PRKG1: variants seen among roughly 807,000 people sequenced by gnomAD.
The protein encoded by PRKG1 is protein kinase cGMP-dependent 1, also known as cGMP-dependent protein kinase 1.
In PRKG1, 35 loss-of-function variants were observed where a neutral mutation model predicts 88.1. The ratio of observed to expected loss-of-function variants is 0.40; its 90% CI spans 0.30 to 0.53. The LOEUF (loss-of-function observed/expected upper bound fraction) is 0.53. Ranked by LOEUF, PRKG1 falls within the 20% of genes least tolerant of loss-of-function variation. The pLI, the probability that PRKG1 is intolerant of heterozygous loss-of-function variation, is 0.59. For synonymous variants in PRKG1, 303 were observed against 292.5 expected (o/e 1.04, Z -0.37); for missense variants, 540 against 839.8 (o/e 0.64, Z 4.41).
At position 51,209,186 on chromosome 10, in the gene PRKG1, T is replaced by G. The variant is rs184299047; in HGVS notation, c.478+55856T>G. 2.4e-3 allele frequency among the ~76,000 whole-genome samples: 331 copies of G among 140,834 alleles called. 2 individuals are homozygous for G. Among genetic ancestry groups the G allele is most frequent in the African/African-American group, 9.0e-3 (285 of 31,572 alleles). 92.4% of individuals were successfully genotyped at this position (140,834 alleles called of 152,430 possible). A position where few individuals can be genotyped will look rare whatever the true frequency, so the allele number is the denominator to read the frequency against. ...GTGTTGGCAAATGGACAAAAGCTGG[T>G]TTTTTTTTGTCTGAAACGTTTTCCT... On this transcript the variant is annotated intron_variant, in intron 2 of 17. Coordinates refer to ENST00000373980, the MANE Select transcript of PRKG1 (RefSeq NM_006258.4).
intron 1 of PRKG1, among the ~76,000 whole-genome samples, chr10:51,092,850 A>G (rs2339675): frequency 0.22 from 32,962 of 152,140 alleles, 3,757 homozygotes; most frequent in Admixed American, 0.27. Flanking sequence ...TTATATTTAA[A>G]TAAGTAATAG....
intron 9 of PRKG1, among the ~76,000 whole-genome samples, chr10:52,239,212 C>T (rs1165950635): frequency 7.4e-6 from 1 of 134,734 alleles, no homozygotes; most frequent in African/African-American, 2.7e-5. Context: ...GGGAGATATA[C>T]CTAATGCTAG....
intron 3 of PRKG1, among the ~76,000 whole-genome samples, chr10:51,705,582 T>C (rs1410917188): frequency 1.3e-5 from 2 of 152,212 alleles, no homozygotes; most frequent in Non-Finnish European, 2.9e-5. Context: ...AACAATGGAC[T>C]CACTCAAAAT....
intron 5 of PRKG1, among the ~76,000 whole-genome samples, chr10:52,018,090 T>C (rs1179650335): frequency 6.6e-6 from 1 of 151,876 alleles, no homozygotes; most frequent in Non-Finnish European, 1.5e-5. Flanking sequence ...AGAGATCAAC[T>C]CAGGGGTGAC....
intron 3 of PRKG1, among the ~76,000 whole-genome samples, chr10:51,627,295 T>A (rs1459843829): frequency 6.6e-6 from 1 of 151,906 alleles, no homozygotes; most frequent in Non-Finnish European, 1.5e-5. Flanking sequence ...GGAAAAAAAA[T>A]GATATTGGTG....
chr10:51,226,398 A>G (rs1216205049), intron 2 of PRKG1, among the ~76,000 whole-genome samples: 1 of 152,204 alleles, frequency 6.6e-6, no homozygotes, highest in African/African-American at 2.4e-5. Flanking sequence ...CTGGAAAGTC[A>G]TGGATGTTGT....
chr10:51,375,754 T>TG (rs151137833), intron 2 of PRKG1, among the ~76,000 whole-genome samples: 27,676 of 147,370 alleles, frequency 0.19, 2,753 homozygotes, highest in East Asian at 0.31. Context: ...GTGTTGGTGG[T>TG]GGGGGGGTGT....
intron 1 of PRKG1, among the ~76,000 whole-genome samples, chr10:51,133,679 A>G (rs1335896478): frequency 6.6e-6 from 1 of 152,166 alleles, no homozygotes; most frequent in Non-Finnish European, 1.5e-5. Flanking sequence ...GAAAAAAGAG[A>G]TGGCCTAGTT....
chr10:51,611,662 T>C (rs1838913681), intron 3 of PRKG1, among the ~76,000 whole-genome samples: 1 of 151,968 alleles, frequency 6.6e-6, no homozygotes, highest in Admixed American at 6.6e-5. Flanking sequence ...TTTTTTTTTT[T>C]TTTGCAGCCT....
intron 2 of PRKG1, among the ~76,000 whole-genome samples, chr10:51,409,850 C>CAAAAAAAAAAA (rs71459417): frequency 1.3e-5 from 1 of 79,500 alleles, no homozygotes; most frequent in African/African-American, 5.2e-5. Context: ...GAGACTCTGT[C>CAAAAAAAAAAA]AAAAAAAAAA....
chr10:51,123,301 A>G (rs2131919703), intron 1 of PRKG1, among the ~76,000 whole-genome samples: 1 of 152,310 alleles, frequency 6.6e-6, no homozygotes, highest in South Asian at 2.1e-4. Flanking sequence ...ATCCATATAT[A>G]TGGTTTAAAA....
rs934221633 is a variant in PRKG1, at chr10:51,297,659, C to G, written c.478+144329C>G. Among the ~76,000 whole-genome samples the G allele has an allele frequency of 3.3e-5, 5 of 152,194 alleles. No homozygotes were observed. In the South Asian group the frequency reaches 1.0e-3, roughly 31 times the overall value. On this transcript the variant is annotated intron_variant, in intron 2 of 17. Coordinates refer to ENST00000373980, the MANE Select transcript of PRKG1 (RefSeq NM_006258.4). ...TGTATGAGCAACAGGAATGGTAGAA[C>G]TTTTGTTCCACTGCAGTTGTACAAT...
chr10:52,158,770 G>A (rs1385048370), intron 8 of PRKG1, among the ~76,000 whole-genome samples: 2 of 151,302 alleles, frequency 1.3e-5, no homozygotes, highest in African/African-American at 4.8e-5. Flanking sequence ...TATTTATTAA[G>A]GACCCATGGT....
In PRKG1 at chr10:52,163,707, A is replaced by G. The variant is rs568542801; in HGVS notation, c.1076+1744A>G. Among the ~76,000 whole-genome samples the G allele has an allele frequency of 3.3e-5, 5 of 152,284 alleles. No homozygotes were observed. In the South Asian group the frequency reaches 6.2e-4, roughly 19 times the overall value. ...TCAGTGTCCTATGGACTTTATAAAG[A>G]TAACTGTGTGTACATCTCCTAAATT... On this transcript the variant is annotated intron_variant, in intron 9 of 17. Transcript: ENST00000373980.
chr10:51,055,775 AAGG>A (rs1843619700), intron 1 of PRKG1, among the ~76,000 whole-genome samples: 1 of 152,096 alleles, frequency 6.6e-6, no homozygotes, highest in Non-Finnish European at 1.5e-5. Flanking sequence ...AATGTCCCAA[AAGG>A]AGGATACTTA....
At chr10:51,996,703 T>A (rs938042904) in intron 5 of PRKG1, among the ~76,000 whole-genome samples, 1 of 152,032 alleles carries the variant, frequency 6.6e-6, no homozygotes, top group Admixed American at 6.6e-5. Context: ...AATTAGTACA[T>A]CCATTGTGAA....
intron 1 of PRKG1, among the ~76,000 whole-genome samples, chr10:51,140,980 G>A (rs1845807153): frequency 6.6e-6 from 1 of 152,164 alleles, no homozygotes; most frequent in Admixed American, 6.5e-5. Context: ...TCAGGTTGAA[G>A]AGCCTATATC....
At chr10:51,583,887 C>CTTT (rs1411230338) in intron 3 of PRKG1, among the ~76,000 whole-genome samples, 1 of 151,992 alleles carries the variant, frequency 6.6e-6, no homozygotes, top group Admixed American at 6.6e-5. Context: ...AACACGGGAA[C>CTTT]TTTTTCTCAC....
chr10:52,264,125 T>C (rs1841506662), intron 10 of PRKG1, among the ~76,000 whole-genome samples: 1 of 152,118 alleles, frequency 6.6e-6, no homozygotes, highest in African/African-American at 2.4e-5. Flanking sequence ...ATGTCTACAT[T>C]GCTTTCTGAA....
Sources: gnomAD v4.1 joint callset for allele counts (sites outside exome capture counted in the v4.1 genomes callset) on GRCh38, gnomAD v4.1.1 for gene constraint, MANE v1.5 for transcripts, NCBI Gene and HGNC (gene_info 2026-07-23, HGNC 2026-07-21) for gene names.